NMD3: variants seen among roughly 807,000 people sequenced by gnomAD.
NMD3 encodes 60S ribosomal export protein NMD3.
In NMD3, 47 loss-of-function variants were observed where a neutral mutation model predicts 73.1. The ratio of observed to expected loss-of-function variants is 0.64; its 90% CI spans 0.51 to 0.82. The LOEUF (loss-of-function observed/expected upper bound fraction) is 0.82. Among genes scored for constraint, NMD3 ranks in the 40% least tolerant of loss-of-function variants. The probability of loss-of-function intolerance (pLI) is 0.00; values close to 1 mark genes in which losing one functional copy is unlikely to be tolerated. For synonymous variants in NMD3, 210 were observed against 194.5 expected, an observed-to-expected ratio of 1.08 and a Z score of -0.66; for missense variants, 554 against 612.5, an observed-to-expected ratio of 0.90 and a Z score of 1.01.
chr3:161,242,793 T>C (rs1737044576), intron 11 of NMD3, 140 bp downstream of exon 11: 1 of 607,928 alleles, frequency 1.6e-6, no homozygotes, highest in Non-Finnish European at 2.6e-6. Context: ...AAAATTCTTT[T>C]TTTTTTTGTC....
chr3:161,242,824 T>G (rs566005341), intron 11 of NMD3, among the ~76,000 whole-genome samples, 171 bp downstream of exon 11: 2 of 152,240 alleles, frequency 1.3e-5, no homozygotes, highest in East Asian at 3.9e-4. Flanking sequence ...GTGGTCATTG[T>G]GGAAATTGTT....
chr3:161,249,695 A>G (rs1312471593), intron 14 of NMD3, 135 bp downstream of exon 14: 2 of 696,478 alleles, frequency 2.9e-6, no homozygotes, highest in East Asian at 2.7e-5. Context: ...TTATCAAGGT[A>G]TTAATGGAAT....
At chr3:161,235,345 A>AAT in intron 7 of NMD3, 133 bp downstream of exon 7, 1 of 471,106 alleles carries the variant, frequency 2.1e-6, no homozygotes, top group South Asian at 4.7e-5. Flanking sequence ...AAAAAAAAAA[A>AAT]ACAACTTAAT....
chr3:161,252,883 C>T (rs1487551352), downstream of NMD3: 15 of 651,470 alleles, frequency 2.3e-5, no homozygotes, highest in Non-Finnish European at 3.6e-5. Flanking sequence ...CAGATCACTT[C>T]AGGCCAGGAG....
chr3:161,250,465 A>G, intron 15 of NMD3, 139 bp downstream of exon 15: 1 of 593,338 alleles, frequency 1.7e-6, no homozygotes, highest in Non-Finnish European at 2.9e-6. Context: ...CACTTCTACA[A>G]AAAAACTTGC....
At chr3:161,252,385 G>A (rs1737526331), downstream of NMD3, 1 of 152,832 alleles carries the variant, frequency 6.5e-6, no homozygotes, top group East Asian at 1.9e-4. Context: ...TGTTATTTAA[G>A]TACTTTTATA....
At position 161,221,976 on chromosome 3, in the gene NMD3, T is replaced by C; in HGVS notation, c.-20-18T>C. ...ACATTCTCTTTTTTTTTTTTTTTTT[T>C]TTTTTTTTTTTTAAAAGAACTTAAG... On this transcript the variant is annotated intron_variant, in intron 1 of 15. Transcript: ENST00000351193. 1 of 913,614 alleles carries C rather than the reference T, an allele frequency of 1.1e-6. No individual in the cohort carries two copies. Among genetic ancestry groups the C allele is most frequent in the Non-Finnish European group, 1.4e-6 (1 of 693,456 alleles). 56.6% of individuals were successfully genotyped at this position (913,614 alleles called of 1,614,324 possible).
At chr3:161,246,475 G>T in intron 12 of NMD3, 27 bp downstream of exon 12, 1 of 1,053,146 alleles carries the variant, frequency 9.5e-7, no homozygotes, top group Non-Finnish European at 1.4e-6. Context: ...ATTTTAAACT[G>T]CCAATTAGGA....
At chr3:161,221,705 C>G in intron 1 of NMD3, 1 of 232,370 alleles carries the variant, frequency 4.3e-6, no homozygotes. Context: ...CGCCCTTGGT[C>G]GTCCAGGGTT....
chr3:161,250,007 T>C (rs189534260), intron 14 of NMD3, among the ~76,000 whole-genome samples: 3 of 152,300 alleles, frequency 2.0e-5, no homozygotes, highest in Non-Finnish European at 4.4e-5. Context: ...CCAAGTGTGT[T>C]ATTCCTCAAA....
rs879125803 is a variant in NMD3 at position 161,221,975 on chromosome 3, T to C, written c.-20-19T>C. 3.4e-6 allele frequency: 2 copies of C among 591,438 alleles called. No homozygotes were observed. The highest frequency in any genetic ancestry group is 3.0e-5 in the African/African-American group (1 of 33,638). 36.6% of individuals were successfully genotyped at this position (591,438 alleles called of 1,614,324 possible). A position where few individuals can be genotyped will look rare whatever the true frequency, so the allele number is the denominator to read the frequency against. Reference sequence around the variant, plus strand: ...AACATTCTCTTTTTTTTTTTTTTTTTTTTTTTTTTTTTTAAAAGAACTTAA... The same window carrying C: ...AACATTCTCTTTTTTTTTTTTTTTTCTTTTTTTTTTTTTAAAAGAACTTAA... On this transcript the variant is annotated intron_variant, in intron 1 of 15. Coordinates refer to ENST00000351193, the MANE Select transcript of NMD3 (RefSeq NM_015938.5).
chr3:161,229,105 G>A (rs977782535), intron 4 of NMD3, among the ~76,000 whole-genome samples: 1 of 152,154 alleles, frequency 6.6e-6, no homozygotes, highest in African/African-American at 2.4e-5. Flanking sequence ...AGTGGTGAGG[G>A]GAAAAGTAGT....
At chr3:161,249,401 G>C in intron 13 of NMD3, 53 bp from the exon 14 acceptor site, 1 of 1,135,162 alleles carries the variant, frequency 8.8e-7, no homozygotes, top group Non-Finnish European at 1.3e-6. Context: ...GAATTTTGTG[G>C]CCTCACTGTA....
At position 161,242,482 on chromosome 3, in the gene NMD3, T is replaced by G. The variant is rs752665987; in HGVS notation, c.872-26T>G. The G allele has an allele frequency of 2.7e-5, 43 of 1,596,488 alleles. No individual in the cohort carries two copies. The African/African-American group carries it at 5.7e-4, about 21-fold the overall frequency. ...ATTGAAATATATAATTTTTCTTATG[T>G]TTTTGTGTTCTATCCTTATTTTTAG... On this transcript the variant is annotated intron_variant, in intron 10 of 15. Coordinates refer to ENST00000351193, the MANE Select transcript of NMD3 (RefSeq NM_015938.5).
At chr3:161,241,209 C>A in intron 10 of NMD3, 46 bp downstream of exon 10, 2 of 1,062,652 alleles carry the variant, frequency 1.9e-6, no homozygotes, top group Non-Finnish European at 2.9e-6. Context: ...TTTTGTATGA[C>A]AAACAATAAT....
chr3:161,240,784 T>A (rs1314591000), intron 9 of NMD3, among the ~76,000 whole-genome samples: 1 of 151,956 alleles, frequency 6.6e-6, no homozygotes, highest in Non-Finnish European at 1.5e-5. Flanking sequence ...TTCTCCCACC[T>A]TGTCCTCCCA....
At position 161,247,328 on chromosome 3, in the gene NMD3, G is replaced by A. The variant is rs1380163839; in HGVS notation, c.1201G>A (p.Val401Met). 6 of 1,601,484 alleles carry A rather than the reference G, an allele frequency of 3.7e-6. No homozygotes were observed. The highest frequency in any genetic ancestry group is 5.1e-6 in the Non-Finnish European group (6 of 1,169,066). The change falls in exon 13 of 16, where the codon GTG becomes ATG. Residue 401 changes from valine to methionine, a missense_variant and splice_region_variant. By Grantham distance (21) the Val-to-Met change is conservative. Coordinates refer to ENST00000351193, the MANE Select transcript of NMD3 (RefSeq NM_015938.5). ...AATGAACTCAGATAGAGTTCCAGATGTGGTAAGGCTTTAGATTTTTCCCTT... is the reference window on the plus strand; with the variant it reads ...AATGAACTCAGATAGAGTTCCAGATATGGTAAGGCTTTAGATTTTTCCCTT... ...NKMNSDRVPD[V>M]VLIKKSYDRT...
At chr3:161,229,780 G>A (rs1031336816) in intron 4 of NMD3, among the ~76,000 whole-genome samples, 4 of 152,136 alleles carry the variant, frequency 2.6e-5, no homozygotes, top group Non-Finnish European at 5.9e-5. Context: ...AGACTGAAAG[G>A]AGCTGCTAGG....
rs769893934 is a variant in NMD3, at chr3:161,247,243, T to C, written c.1131-15T>C. ...GGGTAAATGGTCACTAAGTTTTTCA[T>C]TGTTTACATTTCAGGTTTGATTTGG... On this transcript the variant is annotated splice_polypyrimidine_tract_variant and intron_variant, in intron 12 of 15. Transcript: ENST00000351193. 1.9e-6 allele frequency: 3 copies of C among 1,581,572 alleles called. No homozygotes were observed. The highest frequency in any genetic ancestry group is 1.3e-5 in the African/African-American group (1 of 74,204).
Sources: gnomAD v4.1 joint callset for allele counts (sites outside exome capture counted in the v4.1 genomes callset) on GRCh38, gnomAD v4.1.1 for gene constraint, MANE v1.5 for transcripts, NCBI Gene and HGNC (gene_info 2026-07-23, HGNC 2026-07-21) for gene names.